MTA3: variants seen among roughly 807,000 people sequenced by gnomAD.
MTA3 encodes metastasis associated 1 family member 3, also known as metastasis-associated protein MTA3.
A neutral mutation model predicts 83.5 loss-of-function variants in MTA3; 34 were observed. The ratio of observed to expected loss-of-function variants is 0.41; its 90% CI spans 0.31 to 0.54. MTA3 has a LOEUF of 0.54. Among genes scored for constraint, MTA3 ranks in the 20% least tolerant of loss-of-function variants. The pLI, the probability that MTA3 is intolerant of heterozygous loss-of-function variation, is 0.33. For synonymous variants in MTA3, 303 were observed against 252.7 expected (o/e 1.20, Z -1.89); for missense variants, 761 against 726.4 (o/e 1.05, Z -0.55).
intron 8 of MTA3, among the ~76,000 whole-genome samples, chr2:42,663,799 A>G (rs370791130): frequency 1.3e-5 from 2 of 152,234 alleles, no homozygotes; most frequent in South Asian, 2.1e-4. Flanking sequence ...CTTGCCTCTT[A>G]TGCTCCTTCT....
At chr2:42,604,023 A>G (rs1682924026) in intron 3 of MTA3, among the ~76,000 whole-genome samples, 2 of 152,186 alleles carry the variant, frequency 1.3e-5, no homozygotes, top group Admixed American at 6.5e-5. Context: ...TGCTGGGATT[A>G]CAGGCGTGAG....
chr2:42,746,019 A>C (rs766454079), intron 16 of MTA3, among the ~76,000 whole-genome samples: 2 of 151,408 alleles, frequency 1.3e-5, no homozygotes, highest in African/African-American at 4.9e-5. Context: ...TCACCATGTT[A>C]GCCAGGATGG....
chr2:42,549,706 ATT>A (rs1677028436), intron 2 of MTA3, among the ~76,000 whole-genome samples: 1 of 117,566 alleles, frequency 8.5e-6, no homozygotes, highest in Non-Finnish European at 1.7e-5. Flanking sequence ...CATATTATAT[ATT>A]ATATATTTAA....
chr2:42,693,676 C>T (rs537983926), intron 9 of MTA3, among the ~76,000 whole-genome samples: 5 of 152,206 alleles, frequency 3.3e-5, no homozygotes, highest in African/African-American at 9.6e-5. Flanking sequence ...CAAGGCAGGT[C>T]CAGAAATTCT....
chr2:42,499,330 C>G (rs1674292076), intron 2 of MTA3, among the ~76,000 whole-genome samples: 1 of 151,608 alleles, frequency 6.6e-6, no homozygotes, highest in Non-Finnish European at 1.5e-5. Flanking sequence ...ATCACCCCGG[C>G]TAATATTGTA....
At chr2:42,709,200 A>T in intron 14 of MTA3, 104 bp downstream of exon 14, 1 of 1,472,532 alleles carries the variant, frequency 6.8e-7, no homozygotes, top group Non-Finnish European at 9.0e-7. Flanking sequence ...AATAAACATA[A>T]GTTCTTGTGT....
chr2:42,551,462 A>T (rs902039715), intron 2 of MTA3, among the ~76,000 whole-genome samples: 1 of 152,092 alleles, frequency 6.6e-6, no homozygotes, highest in Non-Finnish European at 1.5e-5. Context: ...AAGTGCTGGG[A>T]TTACAGGCCT....
intron 2 of MTA3, among the ~76,000 whole-genome samples, chr2:42,572,773 A>G (rs1439097142): frequency 2.0e-5 from 3 of 152,046 alleles, no homozygotes; most frequent in African/African-American, 7.2e-5. Context: ...TGTTGCCCAG[A>G]CTGGAGTGCA....
chr2:42,494,356 C>G (rs1350436133), upstream of MTA3, among the ~76,000 whole-genome samples: 3 of 152,196 alleles, frequency 2.0e-5, no homozygotes, highest in Non-Finnish European at 4.4e-5. Context: ...GGTTCAAAGC[C>G]CAGTGTGGAC....
At chr2:42,744,742 C>G (rs1012780414) in intron 16 of MTA3, among the ~76,000 whole-genome samples, 1 of 152,162 alleles carries the variant, frequency 6.6e-6, no homozygotes, top group Non-Finnish European at 1.5e-5. Context: ...AGGTTTGACT[C>G]ATCCATCAAA....
chr2:42,558,062 C>G (rs1340316751), intron 2 of MTA3, among the ~76,000 whole-genome samples: 1 of 152,102 alleles, frequency 6.6e-6, no homozygotes, highest in Non-Finnish European at 1.5e-5. Flanking sequence ...TATTATTACT[C>G]TTGCTCCAGT....
At chr2:42,558,850 C>T (rs562302859) in intron 2 of MTA3, among the ~76,000 whole-genome samples, 3 of 152,002 alleles carry the variant, frequency 2.0e-5, no homozygotes, top group South Asian at 2.1e-4. Flanking sequence ...CCACCGTGCC[C>T]GGCCTTTTTT....
chr2:42,725,261 T>C (rs994712776), intron 16 of MTA3, among the ~76,000 whole-genome samples: 1 of 152,304 alleles, frequency 6.6e-6, no homozygotes, highest in Admixed American at 6.5e-5. Context: ...ATGAAGGTGA[T>C]TGAGAAAAAT....
At chr2:42,679,536 C>G (rs888762358) in intron 8 of MTA3, among the ~76,000 whole-genome samples, 1 of 152,176 alleles carries the variant, frequency 6.6e-6, no homozygotes, top group Non-Finnish European at 1.5e-5. Flanking sequence ...CTGGCACACA[C>G]AGTTACCTAA....
Position 42,755,096 on chromosome 2 carries a change from C to G in MTA3, c.*1697C>G. 4.1e-6 allele frequency: 4 copies of G among 985,490 alleles called. No individual in the cohort carries two copies. Among genetic ancestry groups the G allele is most frequent in the African/African-American group, 1.7e-5 (1 of 57,326 alleles). The allele number at this position is 985,490 out of a possible 1,614,324, so 61.0% of individuals were successfully genotyped here. A position where few individuals can be genotyped will look rare whatever the true frequency, so the allele number is the denominator to read the frequency against. ...GCAGGGGTTCTCCTCAGGGTTCCCA[C>G]TGAGGGGTCCCTTCAGCAAAGACCT... On this transcript the variant is annotated 3_prime_UTR_variant, in exon 17 of 17. Transcript: ENST00000405094.
At chr2:42,532,489 G>A (rs963974511) in intron 2 of MTA3, among the ~76,000 whole-genome samples, 3 of 152,106 alleles carry the variant, frequency 2.0e-5, no homozygotes, top group Admixed American at 6.6e-5. Flanking sequence ...CAGCCTGGGC[G>A]ACACAGTGAG....
chr2:42,531,026 C>T (rs1423958604), intron 2 of MTA3, among the ~76,000 whole-genome samples: 1 of 152,124 alleles, frequency 6.6e-6, no homozygotes, highest in Non-Finnish European at 1.5e-5. Flanking sequence ...GATGGCGTCT[C>T]GCCATGTTGG....
At chr2:42,616,161 G>A (rs914982112) in intron 4 of MTA3, among the ~76,000 whole-genome samples, 4 of 152,118 alleles carry the variant, frequency 2.6e-5, no homozygotes, top group Non-Finnish European at 2.9e-5. Context: ...CCGGTTTCAA[G>A]CGATTCTCCC....
intron 3 of MTA3, among the ~76,000 whole-genome samples, chr2:42,586,258 G>C (rs1680263420): frequency 6.7e-6 from 1 of 148,402 alleles, no homozygotes; most frequent in Non-Finnish European, 1.5e-5. Flanking sequence ...CGGACAACAG[G>C]AGTGAAACTC....
Sources: allele counts gnomAD v4.1 joint callset (sites outside exome capture counted in the v4.1 genomes callset), GRCh38; gene constraint gnomAD v4.1.1; transcripts MANE v1.5; gene names NCBI Gene and HGNC (gene_info 2026-07-23, HGNC 2026-07-21).